Variants in PTCRA observed in about 807,000 individuals in gnomAD.
The protein encoded by PTCRA is pre T-cell antigen receptor alpha.
A neutral mutation model predicts 13.4 loss-of-function variants in PTCRA; 9 were observed. That is an observed-to-expected ratio of 0.67 (90% CI 0.41 to 1.18). The LOEUF is 1.18. Among genes scored for constraint, PTCRA ranks in the 50% most tolerant of loss-of-function variants. The pLI is 0.01. For synonymous variants in PTCRA, 153 were observed against 161.9 expected, an observed-to-expected ratio of 0.94 and a Z score of 0.42; for missense variants, 353 against 359.8, an observed-to-expected ratio of 0.98 and a Z score of 0.15.
At chr6:42,920,471 C>T (rs1767099332) in intron 1 of PTCRA, among the ~76,000 whole-genome samples, 1 of 151,360 alleles carries the variant, frequency 6.6e-6, no homozygotes, top group Admixed American at 6.6e-5. Flanking sequence ...GTCGCCCAGG[C>T]TGGAGTGCAG....
intron 1 of PTCRA, among the ~76,000 whole-genome samples, chr6:42,917,918 AATAAATAC>A (rs944352887): frequency 2.0e-5 from 3 of 152,112 alleles, no homozygotes; most frequent in African/African-American, 7.2e-5. Context: ...TAAATAAATA[AATAAATAC>A]ATACATAATG....
At chr6:42,921,627 A>T (rs1460744820) in intron 1 of PTCRA, among the ~76,000 whole-genome samples, 5 of 147,860 alleles carry the variant, frequency 3.4e-5, no homozygotes, top group South Asian at 2.2e-4. Flanking sequence ...CATGTTGGCC[A>T]GGATAGTCTC....
Position 42,925,161 on chromosome 6 carries a change from G to C in PTCRA, c.425-100G>C. The C allele has an allele frequency of 6.9e-7, 1 of 1,450,394 alleles. No individual in the cohort carries two copies. The highest frequency in any genetic ancestry group is 1.4e-5 in the African/African-American group (1 of 71,144). The allele number at this position is 1,450,394 out of a possible 1,614,324, so 89.8% of individuals were successfully genotyped here. A position where few individuals can be genotyped will look rare whatever the true frequency, so the allele number is the denominator to read the frequency against. On this transcript the variant is annotated intron_variant, in intron 3 of 3. Transcript: ENST00000304672. The surrounding 1 kb of genome is among the most constrained non-coding windows in gnomAD (Gnocchi z 4.4). ...GACTTTCCCTGGAGGAGGGGGTGAA[G>C]GGGACGGGCAAGGGCAGAGGACAAG...
intron 1 of PTCRA, 108 bp downstream of exon 1, chr6:42,916,235 G>A: frequency 8.7e-7 from 1 of 1,147,478 alleles, no homozygotes; most frequent in Non-Finnish European, 1.3e-6. Flanking sequence ...GGCAGGACAA[G>A]AGATATTTAG....
chr6:42,923,360 C>A lies in PTCRA; in HGVS notation c.379+13C>A. On this transcript the variant is annotated intron_variant, in intron 2 of 3. Coordinates refer to ENST00000304672, the MANE Select transcript of PTCRA (RefSeq NM_138296.3). ...ATGCATCTGTCAGGTGGGGATGGAG[C>A]CTGGGCCCTTGCGGATGCTCCCTGT... 2 of 1,611,970 alleles carry A rather than the reference C, an allele frequency of 1.2e-6. No individual in the cohort carries two copies. The highest frequency in any genetic ancestry group is 2.2e-5 in the East Asian group (1 of 44,868).
At chr6:42,921,327 C>T (rs1767146465) in intron 1 of PTCRA, among the ~76,000 whole-genome samples, 1 of 151,592 alleles carries the variant, frequency 6.6e-6, no homozygotes, top group African/African-American at 2.4e-5. Context: ...GTCTCAAACT[C>T]CTGACCTCAG....
intron 1 of PTCRA, 137 bp downstream of exon 1, chr6:42,916,264 C>A (rs1250118205): frequency 1.2e-6 from 1 of 845,258 alleles, no homozygotes; most frequent in African/African-American, 1.7e-5. Flanking sequence ...GGGGAGGGTC[C>A]CTCTGGGGAG....
intron 3 of PTCRA, chr6:42,924,493 G>C: frequency 1.6e-6 from 1 of 607,294 alleles, no homozygotes; most frequent in Non-Finnish European, 2.9e-6. Flanking sequence ...CTAATTCCTG[G>C]ACATTAGTTG....
chr6:42,923,277 G>T lies in PTCRA; in HGVS notation c.309G>T (p.Glu103Asp). Residue 103 changes from glutamate to aspartate, a missense_variant, in exon 2 of 4, where the codon GAG (glutamate) becomes GAT (aspartate). Coordinates refer to ENST00000304672, the MANE Select transcript of PTCRA (RefSeq NM_138296.3). Reference protein sequence around the residue: ...SLPSEELASWEPLVCHTGPGA... With the variant: ...SLPSEELASWDPLVCHTGPGA... ...CTTCTGAGGAGCTGGCATCCTGGGA[G>T]CCTTTGGTCTGCCACACTGGGCCTG... The T allele has an allele frequency of 1.2e-6, 2 of 1,614,228 alleles. No homozygotes were observed. Among genetic ancestry groups the T allele is most frequent in the Non-Finnish European group, 1.7e-6 (2 of 1,180,034 alleles).
chr6:42,925,389 A>G lies in PTCRA; in HGVS notation c.553A>G (p.Thr185Ala). The G allele has an allele frequency of 1.9e-6, 3 of 1,552,510 alleles. No individual in the cohort carries two copies. The highest frequency in any genetic ancestry group is 2.6e-6 in the Non-Finnish European group (3 of 1,148,048). ...GGGCCCGCTGCCTTCCCCCGCAACC[A>G]CCACCCGCCTGCGAGCCCTCGGCTC... ...PAGPLPSPAT[T>A]TRLRALGSHR... The change falls in exon 4 of 4, where the codon ACC becomes GCC. Residue 185 changes from threonine to alanine, a missense_variant. Transcript: ENST00000304672. This position sits in a 1 kb window ranked among gnomAD's most constrained non-coding sequence, Gnocchi z 4.4.
chr6:42,922,392 C>T, intron 1 of PTCRA: 1 of 609,178 alleles, frequency 1.6e-6, no homozygotes, highest in South Asian at 1.9e-5. Flanking sequence ...ATATCATAGA[C>T]AAGTGGATGG....
intron 1 of PTCRA, among the ~76,000 whole-genome samples, chr6:42,922,630 C>T (rs1266054613): frequency 1.3e-5 from 2 of 151,840 alleles, no homozygotes; most frequent in Non-Finnish European, 2.9e-5. Context: ...GTCCCAGCTA[C>T]TCAGGAGGCT....
chr6:42,925,246 G>GA lies in PTCRA; in HGVS notation c.425-15_425-14insA. On this transcript the variant is annotated splice_polypyrimidine_tract_variant and intron_variant, in intron 3 of 3. Coordinates refer to ENST00000304672, the MANE Select transcript of PTCRA (RefSeq NM_138296.3). The surrounding 1 kb of genome is among the most constrained non-coding windows in gnomAD (Gnocchi z 4.4). Reference sequence around the variant, plus strand: ...TGCGGGCTCCTGCGGGCTCCTGAGCGGTTCCTCCTCGCAGGGACACCGGGT... The same window carrying GA: ...TGCGGGCTCCTGCGGGCTCCTGAGCGAGTTCCTCCTCGCAGGGACACCGGGT... 2 of 1,579,962 alleles carry GA rather than the reference G, an allele frequency of 1.3e-6. No individual in the cohort carries two copies. Among genetic ancestry groups the GA allele is most frequent in the Non-Finnish European group, 8.5e-7 (1 of 1,170,594 alleles).
Position 42,923,239 on chromosome 6 carries a change from C to T in PTCRA, c.271C>T (p.His91Tyr). The T allele has an allele frequency of 1.2e-6, 2 of 1,614,252 alleles. No individual in the cohort carries two copies. The highest frequency in any genetic ancestry group is 1.3e-5 in the African/African-American group (1 of 75,068). Residue 91 changes from histidine to tyrosine, a missense_variant, in exon 2 of 4, where the codon CAT becomes TAT. By Grantham distance (83) the His-to-Tyr change is moderately conservative. Coordinates refer to ENST00000304672, the MANE Select transcript of PTCRA (RefSeq NM_138296.3). ...GGATGGCACCTGGACCAACTTGGCC[C>T]ATCTCTCCCTGCCTTCTGAGGAGCT... ...ATDGTWTNLA[H>Y]LSLPSEELAS...
chr6:42,922,513 A>G (rs11758978), intron 1 of PTCRA, among the ~76,000 whole-genome samples: 41,061 of 151,854 alleles, frequency 0.27, 5,922 homozygotes, highest in African/African-American at 0.35. Context: ...CTTTGGGAGG[A>G]CGAGGCGGGT....
intron 2 of PTCRA, 52 bp downstream of exon 2, chr6:42,923,399 C>G (rs1767285216): frequency 6.5e-7 from 1 of 1,545,760 alleles, no homozygotes; most frequent in Non-Finnish European, 8.9e-7. Flanking sequence ...CTTCCACACA[C>G]CAGGATATGG....
chr6:42,924,155 G>A, intron 2 of PTCRA, 74 bp from the exon 3 acceptor site: 1 of 1,326,550 alleles, frequency 7.5e-7, no homozygotes, highest in Non-Finnish European at 1.0e-6. Context: ...CAGGGCCTGG[G>A]CATAGCACTG....
chr6:42,920,516 C>T (rs2114122821), intron 1 of PTCRA, among the ~76,000 whole-genome samples: 1 of 145,650 alleles, frequency 6.9e-6, no homozygotes, highest in South Asian at 2.2e-4. Context: ...GCTCCGCCTC[C>T]CGGGTTCACG....
chr6:42,923,599 C>T (rs550251460), intron 2 of PTCRA, among the ~76,000 whole-genome samples: 1 of 152,310 alleles, frequency 6.6e-6, no homozygotes, highest in African/African-American at 2.4e-5. Context: ...TGCCTCCTTC[C>T]ACCTAGGATT....
Sources: allele counts gnomAD v4.1 joint callset (sites outside exome capture counted in the v4.1 genomes callset), GRCh38; gene constraint gnomAD v4.1.1; non-coding constraint Gnocchi (gnomAD v3.1); transcripts MANE v1.5; gene names NCBI Gene and HGNC (gene_info 2026-07-23, HGNC 2026-07-21).